ATP8B2: variants seen among roughly 807,000 people sequenced by gnomAD.
ATP8B2 encodes the protein ATPase phospholipid transporting 8B2.
Under a neutral mutation model 133.4 loss-of-function variants are expected in ATP8B2, and 70 were observed. That is an observed-to-expected ratio of 0.52 (90% CI 0.43 to 0.64). The LOEUF is 0.64. Ranked by LOEUF, ATP8B2 falls within the 30% of genes least tolerant of loss-of-function variation. ATP8B2 has a pLI of 0.00. For synonymous variants in ATP8B2, 517 were observed against 589.5 expected, an observed-to-expected ratio of 0.88 and a Z score of 1.78; for missense variants, 1,101 against 1,535.7, an observed-to-expected ratio of 0.72 and a Z score of 4.73.
At chr1:154,332,491 G>A (rs1686027049) in intron 8 of ATP8B2, 127 bp from the exon 9 acceptor site, 5 of 725,334 alleles carry the variant, frequency 6.9e-6, no homozygotes, top group Non-Finnish European at 4.7e-6. Flanking sequence ...CCAGGAGTTC[G>A]AGGCTTTAGT....
rs549945455 is a variant in ATP8B2 at position 154,342,317 on chromosome 1, G to A, written c.1244-163G>A. On this transcript the variant is annotated intron_variant, in intron 13 of 27. Coordinates refer to ENST00000368489, the MANE Select transcript of ATP8B2 (RefSeq NM_001370597.1). The stretch of plus-strand genomic sequence containing the variant: ...TAGGGTGCCTGATGCCTCCTATCCC[G>A]CGAGTCAGCAATGTGACTGAGTGAC... Among the ~76,000 whole-genome samples, 9 of 151,932 alleles carry A rather than the reference G, an allele frequency of 5.9e-5. No homozygotes were observed. In the South Asian group the frequency reaches 8.3e-4, roughly 14 times the overall value.
rs747408955 is a variant in ATP8B2, at chr1:154,348,828, GC to G, written c.3295-8del. ...ACGCTGACAGAGGGCTCTTCCCTGT[GC>G]CCCTCTGCAGGTCCGCTACACACAG... is the stretch of plus-strand genomic sequence containing the variant. On this transcript the variant is annotated splice_polypyrimidine_tract_variant and intron_variant, in intron 27 of 27. Transcript: ENST00000368489. 12 of 1,579,494 alleles carry G rather than the reference GC, an allele frequency of 7.6e-6. No homozygotes were observed. The highest frequency in any genetic ancestry group is 1.7e-6 in the Non-Finnish European group (2 of 1,157,746).
Position 154,346,879 on chromosome 1 carries a change from T to G in ATP8B2, c.3163+121T>G. The G allele has an allele frequency of 7.1e-6, 8 of 1,134,416 alleles. No individual in the cohort carries two copies. The highest frequency in any genetic ancestry group is 9.5e-6 in the Non-Finnish European group (8 of 841,216). 70.3% of individuals were successfully genotyped at this position (1,134,416 alleles called of 1,614,324 possible). A position where few individuals can be genotyped will look rare whatever the true frequency, so the allele number is the denominator to read the frequency against. On this transcript the variant is annotated intron_variant, in intron 26 of 27. Transcript: ENST00000368489. This position sits in a 1 kb window ranked among gnomAD's most constrained non-coding sequence, Gnocchi z 4.5. ...GTGCCAAGTATTCTGTTTATTTTAT[T>G]TATTTATTTATTTATTTTCGAGAAG...
In ATP8B2 at chr1:154,337,369, A is replaced by T. The variant is rs1447270633; in HGVS notation, c.859A>T (p.Met287Leu). ...VLWIFGFLVC[M>L]GVILAIGNAI... is the part of the protein sequence containing the mutation. ...CCAGATTTTTGGATTCCTGGTTTGC[A>T]TGGGGGTGATCCTGGCCATTGGCAA... The change falls in exon 12 of 28, where the codon ATG becomes TTG. Residue 287 changes from methionine to leucine, a missense_variant. Transcript: ENST00000368489. 6.2e-7 allele frequency: 1 copy of T among 1,613,420 alleles called. No individual in the cohort carries two copies.
chr1:154,346,656 C>T lies in ATP8B2; in HGVS notation c.3061C>T (p.His1021Tyr), dbSNP rs768186918. 6.2e-7 allele frequency: 1 copy of T among 1,614,112 alleles called. No homozygotes were observed. The highest frequency in any genetic ancestry group is 2.2e-5 in the East Asian group (1 of 44,896). ...LDTGYWTAIN[H>Y]FFIWGSLAVY... ...CACAGGCTACTGGACGGCCATCAAC[C>T]ACTTCTTCATCTGGGGAAGCCTTGC... The change falls in exon 26 of 28, where the codon CAC (histidine) becomes TAC (tyrosine). Residue 1021 changes from histidine (H) to tyrosine (Y), a missense_variant. Coordinates refer to ENST00000368489, the MANE Select transcript of ATP8B2 (RefSeq NM_001370597.1). This position sits in a 1 kb window ranked among gnomAD's most constrained non-coding sequence, Gnocchi z 4.5.
At chr1:154,341,336 T>C (rs1189741424) in intron 13 of ATP8B2, 1 of 483,386 alleles carries the variant, frequency 2.1e-6, no homozygotes, top group African/African-American at 2.0e-5. Context: ...AATTTAAAAA[T>C]TAGCCAGGTA....
Position 154,344,522 on chromosome 1 carries a change from G to A in ATP8B2, c.2141+22G>A. 2.5e-6 allele frequency: 4 copies of A among 1,614,112 alleles called. No homozygotes were observed. Among genetic ancestry groups the A allele is most frequent in the Non-Finnish European group, 3.4e-6 (4 of 1,180,006 alleles). ...TCAGGTAAACAAGAAGCCCAGGGGA[G>A]GCGGTGCTGTGCGTTGTGCCCAGGG... On this transcript the variant is annotated intron_variant, in intron 20 of 27. Coordinates refer to ENST00000368489, the MANE Select transcript of ATP8B2 (RefSeq NM_001370597.1). The surrounding 1 kb of genome is among the most constrained non-coding windows in gnomAD (Gnocchi z 4.1).
At chr1:154,327,353 A>G (rs1207956452) in intron 1 of ATP8B2, among the ~76,000 whole-genome samples, 1 of 150,542 alleles carries the variant, frequency 6.6e-6, no homozygotes, top group African/African-American at 2.4e-5. Context: ...GGGAAGGCGG[A>G]AGCAGGCAGA....
Position 154,344,979 on chromosome 1 carries a change from A to T in ATP8B2, c.2295A>T (p.Ala765=). The stretch of plus-strand genomic sequence containing the variant: ...GTTTCTCTGTGCTCCAGGCCCACGC[A>T]CTGGAGGCAGACATGGAGCTGGAGT... ...LVINGHSLAH[A]LEADMELEFL... Residue 765 remains alanine (A), a synonymous_variant, in exon 22 of 28, where the codon GCA becomes GCT. Coordinates refer to ENST00000368489, the MANE Select transcript of ATP8B2 (RefSeq NM_001370597.1). The surrounding 1 kb of genome is among the most constrained non-coding windows in gnomAD (Gnocchi z 4.1). The T allele has an allele frequency of 6.2e-7, 1 of 1,612,724 alleles. No homozygotes were observed. Among genetic ancestry groups the T allele is most frequent in the Non-Finnish European group, 8.5e-7 (1 of 1,179,188 alleles).
At chr1:154,332,728 TAGA>T (rs1359385825) in intron 9 of ATP8B2, 31 bp downstream of exon 9, 19 of 1,510,224 alleles carry the variant, frequency 1.3e-5, no homozygotes, top group Middle Eastern at 3.4e-4. Context: ...AGCCTGAAGG[TAGA>T]GGAGTGGGGT....
rs772857544 is a variant in ATP8B2 at position 154,330,796 on chromosome 1, TTC to T, written c.91-14_91-13del. The T allele has an allele frequency of 2.5e-6, 4 of 1,599,612 alleles. No individual in the cohort carries two copies. In the Admixed American group the frequency reaches 6.7e-5, roughly 27 times the overall value. On this transcript the variant is annotated splice_polypyrimidine_tract_variant and intron_variant, in intron 3 of 27. Transcript: ENST00000368489. ...TTGGGACTGGAGACTGCTCATTATC[TTC>T]TCTCCTACTGCCATAGAGTAACTGC...
rs1468195806 is a variant in ATP8B2, at chr1:154,334,736, A to G, written c.837+145A>G. ...GGTCAGCTACACAAAGGCAGTGTTTATTTTAGGCTCCTTTTAGTTGGAAGA... is the reference window on the plus strand; with the variant it reads ...GGTCAGCTACACAAAGGCAGTGTTTGTTTTAGGCTCCTTTTAGTTGGAAGA... On this transcript the variant is annotated intron_variant, in intron 11 of 27. Coordinates refer to ENST00000368489, the MANE Select transcript of ATP8B2 (RefSeq NM_001370597.1). This position sits in a 1 kb window ranked among gnomAD's most constrained non-coding sequence, Gnocchi z 4.6. 1 of 628,890 alleles carries G rather than the reference A, an allele frequency of 1.6e-6. No individual in the cohort carries two copies. The highest frequency in any genetic ancestry group is 2.8e-6 in the Non-Finnish European group (1 of 363,192). The allele number at this position is 628,890 out of a possible 1,614,324, so 39.0% of individuals were successfully genotyped here.
chr1:154,331,349 A>G lies in ATP8B2; in HGVS notation c.304-95A>G. ...TGAACTGGTTTGTGATGGGGTGTGT[A>G]TGAGGCGTTAACCAGCATGCTCTGA... On this transcript the variant is annotated intron_variant, in intron 5 of 27. Coordinates refer to ENST00000368489, the MANE Select transcript of ATP8B2 (RefSeq NM_001370597.1). The surrounding 1 kb of genome is among the most constrained non-coding windows in gnomAD (Gnocchi z 4.8). The G allele has an allele frequency of 2.9e-6, 4 of 1,362,224 alleles. No homozygotes were observed. The highest frequency in any genetic ancestry group is 4.2e-6 in the Non-Finnish European group (4 of 957,748). The allele number at this position is 1,362,224 out of a possible 1,614,324, so 84.4% of individuals were successfully genotyped here.
Position 154,346,200 on chromosome 1 carries a change from G to A in ATP8B2, c.2779-31G>A. 6.2e-7 allele frequency: 1 copy of A among 1,604,392 alleles called. No homozygotes were observed. Among genetic ancestry groups the A allele is most frequent in the Non-Finnish European group, 8.5e-7 (1 of 1,174,698 alleles). ...CAGGGTCAAAACGGCAACCTCTGAG[G>A]CCCCCTATGCTACATGGTCCTCCCA... On this transcript the variant is annotated intron_variant, in intron 24 of 27. Transcript: ENST00000368489. This position sits in a 1 kb window ranked among gnomAD's most constrained non-coding sequence, Gnocchi z 4.5.
intron 1 of ATP8B2, among the ~76,000 whole-genome samples, chr1:154,327,204 TGAG>T (rs1685818564): frequency 6.6e-6 from 1 of 151,854 alleles, no homozygotes; most frequent in Admixed American, 6.6e-5. Context: ...CCAAAGAGGA[TGAG>T]GAGGTGAAAG....
In ATP8B2 at chr1:154,328,065, C is replaced by T; in HGVS notation, c.-37-40C>T. The T allele has an allele frequency of 1.3e-6, 2 of 1,598,948 alleles. No individual in the cohort carries two copies. Among genetic ancestry groups the T allele is most frequent in the Middle Eastern group, 1.7e-4 (1 of 6,034 alleles). ...TCTCATGAGGGGAGGGAAGGGTTAT[C>T]CTCAGCTTCCTGACCTCATTCGTCT... On this transcript the variant is annotated intron_variant, in intron 1 of 27. Transcript: ENST00000368489. The surrounding 1 kb of genome is among the most constrained non-coding windows in gnomAD (Gnocchi z 4.6).
At chr1:154,330,774 G>A in intron 3 of ATP8B2, 41 bp from the exon 4 acceptor site, 4 of 1,541,208 alleles carry the variant, frequency 2.6e-6, no homozygotes, top group East Asian at 2.2e-5. Context: ...TTCTGGGTTG[G>A]GACTGGAGAC....
chr1:154,344,555 G>T lies in ATP8B2; in HGVS notation c.2141+55G>T. On this transcript the variant is annotated intron_variant, in intron 20 of 27. Transcript: ENST00000368489. This position sits in a 1 kb window ranked among gnomAD's most constrained non-coding sequence, Gnocchi z 4.1. ...TGTGCGTTGTGCCCAGGGCTCAGGT[G>T]GGGGTTTCTGGACCATTTAGACTTG... The T allele has an allele frequency of 1.2e-6, 2 of 1,612,992 alleles. No individual in the cohort carries two copies. The highest frequency in any genetic ancestry group is 1.7e-6 in the Non-Finnish European group (2 of 1,179,190).
Position 154,337,392 on chromosome 1 carries a change from C to A in ATP8B2, c.882C>A (p.Gly294=). 1.2e-6 allele frequency: 2 copies of A among 1,614,132 alleles called. No homozygotes were observed. The highest frequency in any genetic ancestry group is 1.7e-6 in the Non-Finnish European group (2 of 1,180,016). The change falls in exon 12 of 28, where the codon GGC becomes GGA. Residue 294 remains glycine (G), a synonymous_variant. Coordinates refer to ENST00000368489, the MANE Select transcript of ATP8B2 (RefSeq NM_001370597.1). ...GCATGGGGGTGATCCTGGCCATTGG[C>A]AATGCCATCTGGGAGCACGAGGTGG... The part of the protein sequence containing the change: ...LVCMGVILAI[G]NAIWEHEVGM...
Sources: allele counts gnomAD v4.1 joint callset (sites outside exome capture counted in the v4.1 genomes callset), GRCh38; gene constraint gnomAD v4.1.1; non-coding constraint Gnocchi (gnomAD v3.1); transcripts MANE v1.5; gene names NCBI Gene and HGNC (gene_info 2026-07-23, HGNC 2026-07-21).